Variants in GPC6 observed in about 807,000 individuals in gnomAD.
GPC6 encodes the protein glypican 6, also known as glypican-6.
A neutral mutation model predicts 55.2 loss-of-function variants in GPC6; 14 were observed. The observed-to-expected ratio is 0.25, with a 90% confidence interval of 0.17 to 0.40. GPC6 has a LOEUF of 0.40. Among genes scored for constraint, GPC6 ranks in the 10% least tolerant of loss-of-function variants. GPC6 has a pLI of 1.00. For synonymous variants in GPC6, 278 were observed against 259.6 expected (o/e 1.07, Z -0.68); for missense variants, 641 against 708.5 (o/e 0.90, Z 1.08).
intron 4 of GPC6, among the ~76,000 whole-genome samples, chr13:94,237,424 G>A (rs1287979597): frequency 1.3e-5 from 2 of 151,998 alleles, no homozygotes; most frequent in Non-Finnish European, 2.9e-5. Flanking sequence ...AAAAACAGCA[G>A]ATCTTAGACA....
intron 3 of GPC6, among the ~76,000 whole-genome samples, chr13:93,860,825 T>C (rs1013205115): frequency 2.6e-5 from 4 of 151,710 alleles, no homozygotes; most frequent in African/African-American, 4.8e-5. Context: ...ATAACTATTA[T>C]ATAACAGCAA....
At chr13:93,288,901 T>C (rs1878225198) in intron 1 of GPC6, among the ~76,000 whole-genome samples, 1 of 152,166 alleles carries the variant, frequency 6.6e-6, no homozygotes, top group Non-Finnish European at 1.5e-5. Context: ...TAAATCTTCA[T>C]ACAGACCTGT....
At position 93,854,968 on chromosome 13, in the gene GPC6, C is replaced by T. The variant is rs1888548563; in HGVS notation, c.711+24423C>T. On this transcript the variant is annotated intron_variant, in intron 3 of 8. Coordinates refer to ENST00000377047, the MANE Select transcript of GPC6 (RefSeq NM_005708.5). ...GCCCCTCACCTCATGTACAGCCTCC[C>T]CTGGTATCAATGTCCCCACCAGAGT... Among the ~76,000 whole-genome samples the T allele has an allele frequency of 4.0e-5, 6 of 151,580 alleles. No homozygotes were observed. In the Admixed American group the frequency reaches 4.0e-4, roughly 10 times the overall value.
intron 3 of GPC6, among the ~76,000 whole-genome samples, chr13:93,955,243 GCACACACACACACACA>G (rs10524254): frequency 3.6e-4 from 49 of 136,264 alleles, no homozygotes; most frequent in South Asian, 1.5e-3. Flanking sequence ...GAATGAACAT[GCACACACACACACACA>G]CACACACACA....
intron 4 of GPC6, chr13:94,187,086 C>G (rs1275429956): frequency 6.6e-6 from 1 of 152,214 alleles, no homozygotes; most frequent in Non-Finnish European, 1.5e-5. Context: ...TTGGAAGATC[C>G]TGGAGTCAAT....
At chr13:93,804,573 C>T (rs902899898) in intron 2 of GPC6, among the ~76,000 whole-genome samples, 1 of 152,134 alleles carries the variant, frequency 6.6e-6, no homozygotes, top group Non-Finnish European at 1.5e-5. Flanking sequence ...TTAGTGTTCC[C>T]ACTTAGATTA....
chr13:94,173,264 G>A (rs1888634029), intron 4 of GPC6, among the ~76,000 whole-genome samples: 1 of 152,138 alleles, frequency 6.6e-6, no homozygotes, highest in Admixed American at 6.5e-5. Context: ...TGCTATGTTT[G>A]ACTCAAGAAA....
chr13:93,894,662 G>A (rs377706498), intron 3 of GPC6, among the ~76,000 whole-genome samples: 7 of 152,130 alleles, frequency 4.6e-5, no homozygotes, highest in East Asian at 1.9e-4. Context: ...GAAGATTGTC[G>A]GTTGTGGTTT....
At chr13:94,143,160 A>T (rs1160670175) in intron 4 of GPC6, among the ~76,000 whole-genome samples, 2 of 151,432 alleles carry the variant, frequency 1.3e-5, no homozygotes, top group African/African-American at 4.8e-5. Flanking sequence ...AAAAAAAAAG[A>T]TATATAAAAA....
chr13:93,429,233 C>T (rs1357527926), intron 1 of GPC6, among the ~76,000 whole-genome samples: 1 of 152,040 alleles, frequency 6.6e-6, no homozygotes, highest in African/African-American at 2.4e-5. Context: ...CATACATATT[C>T]TCTAAACTTT....
chr13:94,139,568 G>A (rs1328822418), intron 4 of GPC6, among the ~76,000 whole-genome samples: 1 of 152,120 alleles, frequency 6.6e-6, no homozygotes, highest in Non-Finnish European at 1.5e-5. Context: ...CCTTTATTGT[G>A]ATAGCTGAAA....
intron 4 of GPC6, among the ~76,000 whole-genome samples, chr13:94,145,629 A>G (rs1887535335): frequency 6.6e-6 from 1 of 152,200 alleles, no homozygotes; most frequent in Admixed American, 6.6e-5. Flanking sequence ...ATGATTCTAC[A>G]TTAAGTAACT....
At chr13:93,888,435 T>C (rs1875470631) in intron 3 of GPC6, among the ~76,000 whole-genome samples, 2 of 152,190 alleles carry the variant, frequency 1.3e-5, no homozygotes, top group Non-Finnish European at 2.9e-5. Flanking sequence ...CTTCTGGTAA[T>C]GTCCTAGGGA....
chr13:93,924,839 T>G (rs530806272), intron 3 of GPC6, among the ~76,000 whole-genome samples: 3 of 152,270 alleles, frequency 2.0e-5, no homozygotes, highest in Non-Finnish European at 4.4e-5. Flanking sequence ...ATTTACTTTT[T>G]AATTGACACC....
At chr13:93,621,118 A>C (rs73543528) in intron 2 of GPC6, among the ~76,000 whole-genome samples, 6,114 of 152,246 alleles carry the variant, frequency 0.04, 430 homozygotes, top group African/African-American at 0.14. Flanking sequence ...CTATGGGTGC[A>C]GGGGAAAGAG....
chr13:94,024,002 G>A (rs1882799190), intron 3 of GPC6, among the ~76,000 whole-genome samples: 1 of 151,838 alleles, frequency 6.6e-6, no homozygotes, highest in Non-Finnish European at 1.5e-5. Flanking sequence ...GTAGCAAAAG[G>A]GAGTTCTTTT....
At chr13:93,815,987 C>G (rs186351892) in intron 2 of GPC6, among the ~76,000 whole-genome samples, 4 of 152,256 alleles carry the variant, frequency 2.6e-5, no homozygotes, top group Admixed American at 2.0e-4. Flanking sequence ...ACTTCCTTTA[C>G]TTTGGTTATT....
At chr13:93,861,773 C>G (rs1209082807) in intron 3 of GPC6, among the ~76,000 whole-genome samples, 1 of 151,710 alleles carries the variant, frequency 6.6e-6, no homozygotes, top group Non-Finnish European at 1.5e-5. Flanking sequence ...TCAGCCCCTT[C>G]CTGACTGTGG....
intron 1 of GPC6, among the ~76,000 whole-genome samples, chr13:93,238,647 G>T (rs1045666821): frequency 6.6e-6 from 1 of 151,790 alleles, no homozygotes; most frequent in South Asian, 2.1e-4. Context: ...TCCTTGTCTT[G>T]TTCCACTTAT....
Sources: allele counts gnomAD v4.1 joint callset (sites outside exome capture counted in the v4.1 genomes callset), GRCh38; gene constraint gnomAD v4.1.1; transcripts MANE v1.5; gene names NCBI Gene and HGNC (gene_info 2026-07-23, HGNC 2026-07-21).